WNT3: variants seen among roughly 807,000 people sequenced by gnomAD.
WNT3 encodes Wnt family member 3, also known as proto-oncogene Wnt-3.
In WNT3, 7 loss-of-function variants were observed where a neutral mutation model predicts 34.2. The ratio of observed to expected loss-of-function variants is 0.20; its 90% confidence interval spans 0.12 to 0.38. The LOEUF (loss-of-function observed/expected upper bound fraction) is 0.38, where lower values mean the gene tolerates loss of function less well. Ranked by LOEUF, WNT3 falls within the 10% of genes least tolerant of loss-of-function variation. WNT3 has a pLI of 1.00. For synonymous variants in WNT3, 212 were observed against 211.5 expected (o/e 1.00, Z -0.02); for missense variants, 267 against 499.8 (o/e 0.53, Z 4.44).
At chr17:46,780,195 G>C (rs2059448802) in intron 1 of WNT3, among the ~76,000 whole-genome samples, 1 of 152,232 alleles carries the variant, frequency 6.6e-6, no homozygotes, top group Non-Finnish European at 1.5e-5. Flanking sequence ...TGACACTGGG[G>C]TTGTTGGCCT....
At chr17:46,792,896 T>G (rs1426156003) in intron 1 of WNT3, among the ~76,000 whole-genome samples, 2 of 151,968 alleles carry the variant, frequency 1.3e-5, no homozygotes, top group Non-Finnish European at 2.9e-5. Flanking sequence ...TAACGGATGA[T>G]GACATGGGCT....
chr17:46,792,996 G>C (rs1473081368), intron 1 of WNT3, among the ~76,000 whole-genome samples: 1 of 151,908 alleles, frequency 6.6e-6, no homozygotes, highest in East Asian at 1.9e-4. Flanking sequence ...TGAGGGAGGT[G>C]GCTCACACCT....
chr17:46,771,892 C>CCCCCGCCCT (rs2059376522), intron 2 of WNT3, among the ~76,000 whole-genome samples: 1 of 144,174 alleles, frequency 6.9e-6, no homozygotes, highest in East Asian at 2.1e-4. Flanking sequence ...GCCCCCGCCC[C>CCCCCGCCCT]TGCCCCCGCC....
chr17:46,786,068 C>CCT (rs1568083679), intron 1 of WNT3, among the ~76,000 whole-genome samples: 1 of 140,938 alleles, frequency 7.1e-6, no homozygotes, highest in African/African-American at 2.6e-5. Flanking sequence ...CCCACCCCCC[C>CCT]ACCCCTTCAT....
intron 1 of WNT3, among the ~76,000 whole-genome samples, chr17:46,795,033 G>A (rs1039724870): frequency 5.3e-5 from 8 of 152,052 alleles, no homozygotes; most frequent in African/African-American, 1.9e-4. Flanking sequence ...TTACAGGTGT[G>A]AGCCACCATG....
intron 1 of WNT3, among the ~76,000 whole-genome samples, chr17:46,782,372 G>A (rs1272911017): frequency 6.6e-6 from 1 of 152,130 alleles, no homozygotes; most frequent in Admixed American, 6.5e-5. Flanking sequence ...TGGGGGCCAC[G>A]GTGCTCCTGT....
At chr17:46,770,596 T>C (rs1462715744) in intron 2 of WNT3, among the ~76,000 whole-genome samples, 2 of 152,040 alleles carry the variant, frequency 1.3e-5, no homozygotes, top group East Asian at 3.9e-4. Flanking sequence ...TTTTGTAAAA[T>C]GGACACGGCT....
chr17:46,806,941 C>G (rs1330635063), intron 1 of WNT3, among the ~76,000 whole-genome samples: 1 of 152,138 alleles, frequency 6.6e-6, no homozygotes, highest in Admixed American at 6.5e-5. Flanking sequence ...CTGGGCACTC[C>G]GTCACCTGTG....
At chr17:46,774,622 C>T (rs2059400192) in intron 1 of WNT3, among the ~76,000 whole-genome samples, 1 of 152,206 alleles carries the variant, frequency 6.6e-6, no homozygotes, top group African/African-American at 2.4e-5. Context: ...GATCTCACTG[C>T]CCACACCCAA....
chr17:46,818,561 G>A lies in WNT3; in HGVS notation c.37C>T (p.Leu13=). 1.2e-6 allele frequency: 2 copies of A among 1,608,668 alleles called. No homozygotes were observed. Among genetic ancestry groups the A allele is most frequent in the Non-Finnish European group, 1.7e-6 (2 of 1,178,302 alleles). ...GCGAGGACCCTGGTGCCACCGAGCA[G>A]GAGGCCGAGGAGCAGCCCGAGCAGG... The part of the protein sequence containing the change: ...PHLLGLLLGL[L]LGGTRVLAGY... The change falls in exon 1 of 5, where the codon CTG becomes TTG. Residue 13 remains leucine, a synonymous_variant. Coordinates refer to ENST00000225512, the MANE Select transcript of WNT3 (RefSeq NM_030753.5).
intron 1 of WNT3, among the ~76,000 whole-genome samples, chr17:46,816,249 TTC>T (rs1413287087): frequency 2.0e-5 from 3 of 151,228 alleles, no homozygotes; most frequent in African/African-American, 7.3e-5. Context: ...ACTTCTAGAC[TTC>T]TCTCTGTCTC....
chr17:46,784,216 A>G (rs966565865), intron 1 of WNT3, among the ~76,000 whole-genome samples: 1 of 152,186 alleles, frequency 6.6e-6, no homozygotes, highest in African/African-American at 2.4e-5. Flanking sequence ...GGAGGAAAGT[A>G]TGGCCAAAGT....
chr17:46,789,232 G>T (rs1037475229), intron 1 of WNT3, among the ~76,000 whole-genome samples: 2 of 152,160 alleles, frequency 1.3e-5, no homozygotes, highest in Non-Finnish European at 2.9e-5. Flanking sequence ...ACACCTGATA[G>T]CACTGGCCAC....
chr17:46,802,673 A>G (rs2084141190), intron 1 of WNT3, among the ~76,000 whole-genome samples: 1 of 152,180 alleles, frequency 6.6e-6, no homozygotes, highest in South Asian at 2.1e-4. Flanking sequence ...GGTTTAATCA[A>G]TGATACCTAT....
chr17:46,797,336 C>T (rs1161055676), intron 1 of WNT3, among the ~76,000 whole-genome samples: 1 of 152,150 alleles, frequency 6.6e-6, no homozygotes, highest in African/African-American at 2.4e-5. Flanking sequence ...GCTGAGAGGA[C>T]TCCCAGGAAG....
chr17:46,788,435 T>C (rs1189726110), intron 1 of WNT3, among the ~76,000 whole-genome samples: 1 of 152,134 alleles, frequency 6.6e-6, no homozygotes, highest in Admixed American at 6.5e-5. Flanking sequence ...CACATTGCTA[T>C]ACCCTTCAAG....
chr17:46,799,732 G>A (rs1012307685), intron 1 of WNT3, among the ~76,000 whole-genome samples: 1 of 152,146 alleles, frequency 6.6e-6, no homozygotes, highest in Non-Finnish European at 1.5e-5. Context: ...ACAGGCATGA[G>A]CCACTGCGCC....
chr17:46,812,043 G>A (rs1165596809), intron 1 of WNT3, among the ~76,000 whole-genome samples: 1 of 152,168 alleles, frequency 6.6e-6, no homozygotes, highest in Admixed American at 6.5e-5. Flanking sequence ...GAGACCCAGT[G>A]CTCCTTCCCA....
At chr17:46,774,466 C>T (rs2059399261) in intron 1 of WNT3, among the ~76,000 whole-genome samples, 1 of 152,272 alleles carries the variant, frequency 6.6e-6, no homozygotes, top group Non-Finnish European at 1.5e-5. Flanking sequence ...TGCTGGCTTG[C>T]ACCAAGTCCT....
Sources: gnomAD v4.1 joint callset for allele counts (sites outside exome capture counted in the v4.1 genomes callset) on GRCh38, gnomAD v4.1.1 for gene constraint, MANE v1.5 for transcripts, NCBI Gene and HGNC (gene_info 2026-07-23, HGNC 2026-07-21) for gene names.